Variants in NAALADL2 observed in about 807,000 individuals in gnomAD.
The protein encoded by NAALADL2 is N-acetylated alpha-linked acidic dipeptidase like 2.
NAALADL2 carries 76 observed loss-of-function variants against 87.2 expected under a neutral mutation model. The observed-to-expected ratio is 0.87, with a 90% confidence interval of 0.72 to 1.05. The LOEUF (loss-of-function observed/expected upper bound fraction) is 1.05. NAALADL2 is among the 50% of genes least tolerant of loss of function. The pLI is 0.00. For synonymous variants in NAALADL2, 354 were observed against 331.0 expected (o/e 1.07, Z -0.75); for missense variants, 1,089 against 945.8 (o/e 1.15, Z -1.99).
At chr3:175,141,781 T>C (rs1265348964) in intron 2 of NAALADL2, among the ~76,000 whole-genome samples, 1 of 152,110 alleles carries the variant, frequency 6.6e-6, no homozygotes, top group Non-Finnish European at 1.5e-5. Flanking sequence ...GCTAAATGTT[T>C]AATGGCTTAA....
chr3:174,704,033 G>A (rs192843745), intron 2 of NAALADL2, among the ~76,000 whole-genome samples: 5 of 152,292 alleles, frequency 3.3e-5, no homozygotes, highest in Admixed American at 3.3e-4. Flanking sequence ...AAGGCATGGG[G>A]TATGTGATCC....
chr3:174,736,924 G>A (rs1200643642), intron 2 of NAALADL2, among the ~76,000 whole-genome samples: 2 of 152,194 alleles, frequency 1.3e-5, no homozygotes, highest in African/African-American at 4.8e-5. Flanking sequence ...GAGGGCCAAG[G>A]CAGCAGGGTG....
intron 2 of NAALADL2, among the ~76,000 whole-genome samples, chr3:174,573,296 C>A (rs1332571212): frequency 6.6e-6 from 1 of 152,046 alleles, no homozygotes; most frequent in African/African-American, 2.4e-5. Context: ...GAGATATGGT[C>A]TTACTCTGTT....
intron 1 of NAALADL2, among the ~76,000 whole-genome samples, chr3:174,542,327 C>T (rs1286649100): frequency 3.3e-5 from 5 of 152,176 alleles, no homozygotes; most frequent in African/African-American, 4.8e-5. Context: ...GCAGAGGTCT[C>T]TCTTCTGTTA....
intron 12 of NAALADL2, among the ~76,000 whole-genome samples, chr3:175,747,505 A>T (rs1746080861): frequency 1.3e-5 from 2 of 152,142 alleles, no homozygotes; most frequent in Admixed American, 1.3e-4. Context: ...ATAACCCATT[A>T]TTCTATGAGT....
At chr3:175,793,476 A>ATT (rs34910826) in intron 13 of NAALADL2, among the ~76,000 whole-genome samples, 5 of 145,422 alleles carry the variant, frequency 3.4e-5, no homozygotes, top group South Asian at 2.2e-4. Flanking sequence ...CGCCCGGCTA[A>ATT]TTTTTTTTTT....
intron 3 of NAALADL2, among the ~76,000 whole-genome samples, chr3:174,754,158 A>G (rs1447077346): frequency 6.6e-6 from 1 of 152,232 alleles, no homozygotes; most frequent in Non-Finnish European, 1.5e-5. Flanking sequence ...TTTTTAAGGT[A>G]GTAAAAAGAT....
At chr3:175,615,388 C>T (rs1725202560) in intron 10 of NAALADL2, among the ~76,000 whole-genome samples, 1 of 151,822 alleles carries the variant, frequency 6.6e-6, no homozygotes, top group Admixed American at 6.6e-5. Flanking sequence ...ATAAATAGTT[C>T]TAGACATTAT....
Position 175,715,777 on chromosome 3 carries a change from AG to A in NAALADL2, c.1897-21527del, listed in dbSNP as rs891191664. ...GTAATCCCAGCTACTCAGAAGACTGAGGCACAAGAATCACTTGAACCTGGGA... is the reference window on the plus strand; with the variant it reads ...GTAATCCCAGCTACTCAGAAGACTGAGCACAAGAATCACTTGAACCTGGGA... On this transcript the variant is annotated intron_variant, in intron 11 of 13. Transcript: ENST00000454872. Among the ~76,000 whole-genome samples the A allele has an allele frequency of 1.4e-4, 21 of 152,254 alleles. 1 individual carries two copies. In the East Asian group the frequency reaches 4.1e-3, roughly 29 times the overall value.
intron 2 of NAALADL2, among the ~76,000 whole-genome samples, chr3:175,211,000 A>C (rs1185369936): frequency 1.3e-5 from 2 of 151,744 alleles, no homozygotes; most frequent in Admixed American, 1.3e-4. Context: ...AATTTTATTC[A>C]CAGGAAATTA....
intron 5 of NAALADL2, among the ~76,000 whole-genome samples, chr3:175,352,166 G>C (rs201176180): frequency 9.9e-6 from 1 of 101,344 alleles, no homozygotes; most frequent in African/African-American, 4.3e-5. Flanking sequence ...AGACTGGCTT[G>C]GATTTTTTTT....
intron 2 of NAALADL2, among the ~76,000 whole-genome samples, chr3:174,575,575 G>C (rs1424290969): frequency 6.6e-6 from 1 of 152,134 alleles, no homozygotes; most frequent in African/African-American, 2.4e-5. Context: ...TGGTGATTTT[G>C]TGTAACAGTG....
chr3:175,736,699 C>G (rs1021511700), intron 11 of NAALADL2, among the ~76,000 whole-genome samples: 1 of 152,224 alleles, frequency 6.6e-6, no homozygotes, highest in African/African-American at 2.4e-5. Flanking sequence ...GATTCAAAGA[C>G]AAATCAGCAT....
At chr3:175,018,107 A>G (rs1450027868) in intron 1 of NAALADL2, among the ~76,000 whole-genome samples, 1 of 152,080 alleles carries the variant, frequency 6.6e-6, no homozygotes, top group Non-Finnish European at 1.5e-5. Context: ...ATCATTGTAA[A>G]TACTGACTAA....
At chr3:175,638,426 A>G (rs1582727663) in intron 11 of NAALADL2, among the ~76,000 whole-genome samples, 1 of 152,204 alleles carries the variant, frequency 6.6e-6, no homozygotes, top group Non-Finnish European at 1.5e-5. Flanking sequence ...AGAGGGCCCT[A>G]GGGACAACCA....
At chr3:175,106,997 G>A (rs1471451424) in intron 2 of NAALADL2, among the ~76,000 whole-genome samples, 1 of 151,984 alleles carries the variant, frequency 6.6e-6, no homozygotes, top group Non-Finnish European at 1.5e-5. Context: ...AAGTAAAGTT[G>A]CTGGGCAATT....
intron 2 of NAALADL2, among the ~76,000 whole-genome samples, chr3:174,698,967 G>T (rs200354121): frequency 7.1e-6 from 1 of 141,446 alleles, no homozygotes; most frequent in Non-Finnish European, 1.5e-5. Flanking sequence ...GTGTGTGCGT[G>T]TATATATATA....
At chr3:174,943,038 T>A (rs893928955) in intron 1 of NAALADL2, among the ~76,000 whole-genome samples, 5 of 152,238 alleles carry the variant, frequency 3.3e-5, no homozygotes, top group Non-Finnish European at 5.9e-5. Context: ...TTCTGTCATT[T>A]CAGGCAGCTA....
rs1256767362 is a variant in NAALADL2, at chr3:175,805,815, G to C, written c.*2612G>C. The stretch of plus-strand genomic sequence containing the variant: ...AACGGTGAAATTTATGTTCAGGCAG[G>C]GTACACATGAGATACTGCCCTTTAT... On this transcript the variant is annotated 3_prime_UTR_variant, in exon 14 of 14. Transcript: ENST00000454872. 1 of 151,698 alleles carries C rather than the reference G, an allele frequency of 6.6e-6. No individual in the cohort carries two copies. The highest frequency in any genetic ancestry group is 1.9e-4 in the East Asian group (1 of 5,164). 9.4% of individuals were successfully genotyped at this position (151,698 alleles called of 1,614,324 possible).
Sources: allele counts gnomAD v4.1 joint callset (sites outside exome capture counted in the v4.1 genomes callset), GRCh38; gene constraint gnomAD v4.1.1; transcripts MANE v1.5; gene names NCBI Gene and HGNC (gene_info 2026-07-23, HGNC 2026-07-21).